Variants in PITPNM3 observed in about 807,000 individuals in gnomAD.
PITPNM3 encodes the protein PITPNM family member 3.
Under a neutral mutation model 102.0 loss-of-function variants are expected in PITPNM3, and 26 were observed. The ratio of observed to expected loss-of-function variants is 0.25; its 90% CI spans 0.19 to 0.35. The LOEUF is 0.35. Ranked by LOEUF, PITPNM3 falls within the 10% of genes least tolerant of loss-of-function variation. The pLI, the probability that PITPNM3 is intolerant of heterozygous loss-of-function variation, is 1.00. For synonymous variants in PITPNM3, 578 were observed against 558.6 expected, an observed-to-expected ratio of 1.03 and a Z score of -0.49; for missense variants, 1,083 against 1,346.1, an observed-to-expected ratio of 0.80 and a Z score of 3.06.
intron 1 of PITPNM3, among the ~76,000 whole-genome samples, chr17:6,551,281 C>G (rs183788021): frequency 6.6e-6 from 1 of 151,798 alleles, no homozygotes; most frequent in African/African-American, 2.4e-5. Context: ...GGCGTGAACC[C>G]GGGAGGTGGA....
Position 6,556,318 on chromosome 17 carries a change from C to T in PITPNM3, c.22+67G>A, listed in dbSNP as rs1910607640. On this transcript the variant is annotated intron_variant, in intron 1 of 19. Transcript: ENST00000262483. The surrounding 1 kb of genome is among the most constrained non-coding windows in gnomAD (Gnocchi z 5.2). The stretch of plus-strand genomic sequence containing the variant: ...GCGAGGGGTTCACCTGGGCCGGCGG[C>T]CCCTCCTCTAGACGCGCGAGTCCCT... The T allele has an allele frequency of 2.3e-6, 3 of 1,331,800 alleles. No individual in the cohort carries two copies. The highest frequency in any genetic ancestry group is 3.0e-6 in the Non-Finnish European group (3 of 1,014,174). The allele number at this position is 1,331,800 out of a possible 1,614,324, so 82.5% of individuals were successfully genotyped here. A position where few individuals can be genotyped will look rare whatever the true frequency, so the allele number is the denominator to read the frequency against.
At chr17:6,482,465 A>T (rs76789422) in intron 6 of PITPNM3, among the ~76,000 whole-genome samples, 26,574 of 152,036 alleles carry the variant, frequency 0.17, 2,425 homozygotes, top group Non-Finnish European at 0.19. Context: ...TTCATCTGTA[A>T]CCTTTATAAT....
intron 3 of PITPNM3, among the ~76,000 whole-genome samples, chr17:6,508,948 C>T (rs949695517): frequency 6.6e-6 from 1 of 152,194 alleles, no homozygotes; most frequent in Non-Finnish European, 1.5e-5. Flanking sequence ...GTGCAGCTGG[C>T]TCAGCTGCCA....
chr17:6,457,616 T>C lies in PITPNM3; in HGVS notation c.2597A>G (p.Lys866Arg), dbSNP rs748329291. 1.9e-6 allele frequency: 3 copies of C among 1,602,668 alleles called. No homozygotes were observed. The highest frequency in any genetic ancestry group is 2.6e-6 in the Non-Finnish European group (3 of 1,173,694). The change falls in exon 19 of 20, where the codon AAG becomes AGG. Residue 866 changes from lysine to arginine, a missense_variant. Lys to Arg is a conservative substitution (Grantham distance 26, BLOSUM62 2). Transcript: ENST00000262483. This position sits in a 1 kb window ranked among gnomAD's most constrained non-coding sequence, Gnocchi z 4.7. ...SQIFIVGRPT[K>R]KYQTQCQFLS... ...CACCTGGCACTGGGTTTGGTACTTC[T>C]TGGTGGGCCGGCCCACAATGAAGAT...
chr17:6,497,592 C>T lies in PITPNM3; in HGVS notation c.274+5935G>A, dbSNP rs371018641. ...TTTTCTGGGGACAAGAGGAAGTTCA[C>T]AGCCCCACAGAGCATCTGCTCTAAT... On this transcript the variant is annotated intron_variant, in intron 4 of 19. Coordinates refer to ENST00000262483, the MANE Select transcript of PITPNM3 (RefSeq NM_031220.4). Among the ~76,000 whole-genome samples the T allele has an allele frequency of 3.3e-5, 5 of 152,192 alleles. No homozygotes were observed. In the East Asian group the frequency reaches 9.6e-4, roughly 29 times the overall value.
chr17:6,465,145 C>T (rs1040320520), intron 14 of PITPNM3, among the ~76,000 whole-genome samples: 7 of 152,208 alleles, frequency 4.6e-5, no homozygotes, highest in Non-Finnish European at 8.8e-5. Flanking sequence ...CTCCCGGGTT[C>T]AAGCAATTCT....
rs1905935126 is a variant in PITPNM3 at position 6,484,252 on chromosome 17, T to C, written c.315A>G (p.Pro105=). 6.2e-7 allele frequency: 1 copy of C among 1,612,464 alleles called. No individual in the cohort carries two copies. Among genetic ancestry groups the C allele is most frequent in the African/African-American group, 1.3e-5 (1 of 74,992 alleles). The stretch of plus-strand genomic sequence containing the variant: ...CGTGGATCTCGATGCTTCCCTGGGC[T>C]GGGAACCTCTGTCTTCTCAAGGAAA... ...YRVSLRRQRF[P]AQGSIEIHED... Residue 105 remains proline, a synonymous_variant, in exon 5 of 20, where the codon CCA becomes CCG. Coordinates refer to ENST00000262483, the MANE Select transcript of PITPNM3 (RefSeq NM_031220.4).
At chr17:6,545,196 G>A (rs1909959305) in intron 1 of PITPNM3, among the ~76,000 whole-genome samples, 2 of 152,354 alleles carry the variant, frequency 1.3e-5, no homozygotes, top group South Asian at 2.1e-4. Context: ...CTTACATAGT[G>A]TCGCAGTGAG....
In PITPNM3 at chr17:6,517,175, G is replaced by C. The variant is rs570760922; in HGVS notation, c.226+8181C>G. Among the ~76,000 whole-genome samples the C allele has an allele frequency of 2.2e-4, 33 of 152,306 alleles. No homozygotes were observed. The highest frequency in any genetic ancestry group is 7.5e-4 in the African/African-American group (31 of 41,568). ...AGAGACATTCTAGTGAAAAGAGAAA[G>C]TAAATCCAAGAAGAAGTCAGGAAAT... On this transcript the variant is annotated intron_variant, in intron 3 of 19. Transcript: ENST00000262483. The surrounding 1 kb of genome is among the most constrained non-coding windows in gnomAD (Gnocchi z 4.1).
In PITPNM3 at chr17:6,478,777, G is replaced by A; in HGVS notation, c.588-41C>T. On this transcript the variant is annotated intron_variant, in intron 6 of 19. Coordinates refer to ENST00000262483, the MANE Select transcript of PITPNM3 (RefSeq NM_031220.4). The surrounding 1 kb of genome is among the most constrained non-coding windows in gnomAD (Gnocchi z 4.4). ...CCAAGGTGAGCCCAGCCAGGATCGG[G>A]CAGGTTGGCAGGTTTGGGGCTGAGG... The A allele has an allele frequency of 6.6e-7, 1 of 1,520,308 alleles. No homozygotes were observed. The highest frequency in any genetic ancestry group is 1.2e-5 in the South Asian group (1 of 81,440). The allele number at this position is 1,520,308 out of a possible 1,614,324, so 94.2% of individuals were successfully genotyped here.
At position 6,452,657 on chromosome 17, in the gene PITPNM3, T is replaced by C. The variant is rs141077350; in HGVS notation, c.*2681A>G. 6 of 152,282 alleles carry C rather than the reference T, an allele frequency of 3.9e-5. No individual in the cohort carries two copies. Among genetic ancestry groups the C allele is most frequent in the Non-Finnish European group, 7.3e-5 (5 of 68,030 alleles). The allele number at this position is 152,282 out of a possible 1,614,324, so 9.4% of individuals were successfully genotyped here. A position where few individuals can be genotyped will look rare whatever the true frequency, so the allele number is the denominator to read the frequency against. ...TTGCCGTGAAAGCAGTACTGAAACATACCTTGTCTCGCCACTAAACAGAAC... is the reference window on the plus strand; with the variant it reads ...TTGCCGTGAAAGCAGTACTGAAACACACCTTGTCTCGCCACTAAACAGAAC... On this transcript the variant is annotated 3_prime_UTR_variant, in exon 20 of 20. Coordinates refer to ENST00000262483, the MANE Select transcript of PITPNM3 (RefSeq NM_031220.4).
Position 6,478,183 on chromosome 17 carries a change from CAGG to C in PITPNM3, c.778-89_778-87del. 3.1e-6 allele frequency: 5 copies of C among 1,590,614 alleles called. No individual in the cohort carries two copies. Among genetic ancestry groups the C allele is most frequent in the Admixed American group, 1.7e-5 (1 of 59,428 alleles). On this transcript the variant is annotated intron_variant, in intron 7 of 19. Coordinates refer to ENST00000262483, the MANE Select transcript of PITPNM3 (RefSeq NM_031220.4). The surrounding 1 kb of genome is among the most constrained non-coding windows in gnomAD (Gnocchi z 4.4). Reference sequence around the variant, plus strand: ...CGGCCAGAGCAGTGCTGCCTCCCCACAGGAGAATGAGAAACTCGTCCTTGGGAG... The same window carrying C: ...CGGCCAGAGCAGTGCTGCCTCCCCACAGAATGAGAAACTCGTCCTTGGGAG...
chr17:6,545,848 G>A, intron 1 of PITPNM3, among the ~76,000 whole-genome samples: 1 of 152,166 alleles, frequency 6.6e-6, no homozygotes, highest in East Asian at 1.9e-4. Flanking sequence ...TGGGCTGTGG[G>A]TTCCCCCTGA....
chr17:6,462,239 C>T (rs970710978), intron 17 of PITPNM3, among the ~76,000 whole-genome samples: 6 of 152,182 alleles, frequency 3.9e-5, no homozygotes, highest in East Asian at 1.9e-4. Context: ...TATTATCCTC[C>T]GCAGTGTTTC....
chr17:6,542,424 G>A (rs1021875980), intron 1 of PITPNM3, among the ~76,000 whole-genome samples: 2 of 152,100 alleles, frequency 1.3e-5, no homozygotes, highest in Non-Finnish European at 2.9e-5. Context: ...AATCATGCAT[G>A]CATGCACACT....
Position 6,525,336 on chromosome 17 carries a change from T to G in PITPNM3, c.226+20A>C. The G allele has an allele frequency of 5.5e-5, 88 of 1,607,472 alleles. No homozygotes were observed. The highest frequency in any genetic ancestry group is 6.8e-5 in the Non-Finnish European group (80 of 1,173,962). ...CACACCTATGTGCACATCCTGGTCATGAGAGAAGCAGAGTCTCACCTTGAT... is the reference window on the plus strand; with the variant it reads ...CACACCTATGTGCACATCCTGGTCAGGAGAGAAGCAGAGTCTCACCTTGAT... On this transcript the variant is annotated intron_variant, in intron 3 of 19. Coordinates refer to ENST00000262483, the MANE Select transcript of PITPNM3 (RefSeq NM_031220.4).
At chr17:6,498,386 G>A (rs755436447) in intron 4 of PITPNM3, among the ~76,000 whole-genome samples, 72 of 152,256 alleles carry the variant, frequency 4.7e-4, no homozygotes, top group Non-Finnish European at 7.9e-4. Flanking sequence ...AGGGGAAAGT[G>A]GTCGGGTAAG....
chr17:6,497,483 G>C (rs968263716), intron 4 of PITPNM3, among the ~76,000 whole-genome samples: 1 of 152,220 alleles, frequency 6.6e-6, no homozygotes, highest in African/African-American at 2.4e-5. Context: ...TCAGTTGGTG[G>C]CTAGGAGAGA....
chr17:6,471,859 G>C (rs1419584832), intron 11 of PITPNM3, among the ~76,000 whole-genome samples: 1 of 152,188 alleles, frequency 6.6e-6, no homozygotes, highest in Non-Finnish European at 1.5e-5. Context: ...ATGGGGGAGG[G>C]AGGTTTCCAG....
Sources: allele counts gnomAD v4.1 joint callset (sites outside exome capture counted in the v4.1 genomes callset), GRCh38; gene constraint gnomAD v4.1.1; non-coding constraint Gnocchi (gnomAD v3.1); transcripts MANE v1.5; gene names NCBI Gene and HGNC (gene_info 2026-07-23, HGNC 2026-07-21).